STK17A: variants seen among roughly 807,000 people sequenced by gnomAD.
STK17A encodes the protein serine/threonine kinase 17a, also known as serine/threonine-protein kinase 17A.
Under a neutral mutation model 43.7 loss-of-function variants are expected in STK17A, and 26 were observed. The ratio of observed to expected loss-of-function variants is 0.60; its 90% CI spans 0.44 to 0.83. The LOEUF (loss-of-function observed/expected upper bound fraction) is 0.83, where lower values mean the gene tolerates loss of function less well. STK17A is among the 40% of genes least tolerant of loss of function. STK17A has a pLI of 0.00. For synonymous variants in STK17A, 191 were observed against 182.5 expected (o/e 1.05, Z -0.38); for missense variants, 476 against 511.6 (o/e 0.93, Z 0.67).
chr7:43,618,071 A>T (rs2083508059), intron 3 of STK17A, among the ~76,000 whole-genome samples: 1 of 152,222 alleles, frequency 6.6e-6, no homozygotes, highest in East Asian at 1.9e-4. Context: ...GGAGGGGCAG[A>T]ATATGAATGG....
intron 1 of STK17A, among the ~76,000 whole-genome samples, chr7:43,590,113 T>G (rs2082470096): frequency 6.7e-6 from 1 of 150,186 alleles, no homozygotes; most frequent in Non-Finnish European, 1.5e-5. Flanking sequence ...GCCTGTCTAA[T>G]TTTTGTATTT....
chr7:43,614,234 TAA>T (rs2083141581), intron 3 of STK17A, among the ~76,000 whole-genome samples: 1 of 152,204 alleles, frequency 6.6e-6, no homozygotes. Flanking sequence ...CCGAGATAAA[TAA>T]AAGACTTCCC....
intron 3 of STK17A, among the ~76,000 whole-genome samples, chr7:43,617,705 A>C (rs774867866): frequency 1.3e-5 from 2 of 152,204 alleles, no homozygotes; most frequent in African/African-American, 2.4e-5. Flanking sequence ...TGAAAGAGAG[A>C]AAAACATTGT....
intron 1 of STK17A, among the ~76,000 whole-genome samples, chr7:43,588,784 A>G (rs892842292): frequency 2.6e-5 from 4 of 151,402 alleles, no homozygotes; most frequent in African/African-American, 9.7e-5. Flanking sequence ...GTGAGCAGAG[A>G]TAGTGCCACT....
At chr7:43,618,705 A>G (rs2083573625) in intron 3 of STK17A, among the ~76,000 whole-genome samples, 4 of 152,214 alleles carry the variant, frequency 2.6e-5, no homozygotes, top group Admixed American at 2.6e-4. Context: ...AAAGTATCTT[A>G]GGTTATTTTC....
chr7:43,586,905 A>G (rs1468778967), intron 1 of STK17A, among the ~76,000 whole-genome samples: 1 of 151,414 alleles, frequency 6.6e-6, no homozygotes. Flanking sequence ...TTACAGTTTT[A>G]CAAGTGCTTT....
intron 2 of STK17A, among the ~76,000 whole-genome samples, chr7:43,600,138 A>G (rs2082545504): frequency 1.3e-5 from 2 of 152,212 alleles, no homozygotes; most frequent in African/African-American, 4.8e-5. Flanking sequence ...AGTCAAGCCA[A>G]CAACTGAAAT....
At chr7:43,585,084 C>A (rs1006096300) in intron 1 of STK17A, among the ~76,000 whole-genome samples, 1 of 151,972 alleles carries the variant, frequency 6.6e-6, no homozygotes, top group Non-Finnish European at 1.5e-5. Context: ...GTAATCCCAG[C>A]TACTCGTGAG....
At chr7:43,622,173 C>T (rs1247882336) in intron 4 of STK17A, 1 of 152,194 alleles carries the variant, frequency 6.6e-6, no homozygotes, top group Non-Finnish European at 1.5e-5. Context: ...GCTATGTGGT[C>T]TGTTTTACTG....
rs759352972 is a variant in STK17A, at chr7:43,595,948, A to G, written c.254A>G (p.Lys85Arg). 6.2e-7 allele frequency: 1 copy of G among 1,613,946 alleles called. No individual in the cohort carries two copies. The highest frequency in any genetic ancestry group is 1.7e-5 in the Admixed American group (1 of 60,024). ...AAATGTATAAAGAAAGATTCTGGGA[A>G]AGAATTTGCTGCAAAGTTCATGAGA... ...VRKCIKKDSG[K>R]EFAAKFMRKR... is the part of the protein sequence containing the mutation. Residue 85 changes from lysine to arginine, a missense_variant, in exon 2 of 7, where the codon AAA (lysine) becomes AGA (arginine). By Grantham distance (26) the Lys-to-Arg change is conservative (BLOSUM62 2). This residue lies in a region of STK17A where 320 missense variants were observed against 326.3 expected (regional missense o/e 0.98). Coordinates refer to ENST00000319357, the MANE Select transcript of STK17A (RefSeq NM_004760.3).
chr7:43,608,109 C>T, intron 2 of STK17A, 147 bp from the exon 3 acceptor site: 1 of 756,542 alleles, frequency 1.3e-6, no homozygotes, highest in Non-Finnish European at 2.0e-6. Flanking sequence ...TAGTGAGGTC[C>T]CATCTCTATT....
intron 3 of STK17A, among the ~76,000 whole-genome samples, chr7:43,615,230 C>G (rs1331816215): frequency 6.6e-6 from 1 of 152,198 alleles, no homozygotes; most frequent in African/African-American, 2.4e-5. Context: ...GATTGGAGTG[C>G]AGTGGCACTA....
intron 1 of STK17A, among the ~76,000 whole-genome samples, chr7:43,585,324 A>T (rs991904027): frequency 7.0e-6 from 1 of 142,618 alleles, no homozygotes; most frequent in African/African-American, 2.5e-5. Flanking sequence ...GAGATGTTAT[A>T]ATCTGGAAAC....
intron 1 of STK17A, among the ~76,000 whole-genome samples, chr7:43,584,530 A>G (rs1170650905): frequency 6.6e-6 from 1 of 152,248 alleles, no homozygotes; most frequent in South Asian, 2.1e-4. Context: ...AAATAGCACC[A>G]TGTTGTAATG....
At chr7:43,601,909 C>T (rs1583553631) in intron 2 of STK17A, among the ~76,000 whole-genome samples, 1 of 152,070 alleles carries the variant, frequency 6.6e-6, no homozygotes, top group Admixed American at 6.6e-5. Context: ...TTTAACACCC[C>T]CACCCCCTGA....
chr7:43,627,183 TA>T lies in STK17A; in HGVS notation c.*2342del, dbSNP rs1427626381. 7.2e-5 allele frequency among the ~76,000 whole-genome samples: 11 copies of T among 152,246 alleles called. No homozygotes were observed. Among genetic ancestry groups the T allele is most frequent in the Admixed American group, 4.6e-4 (7 of 15,292 alleles). ...CGTTGTTTATGAAATGTATAAAATG[TA>T]TAAGTTTTAATCAACTGGGAAATGA... On this transcript the variant is annotated 3_prime_UTR_variant, in exon 7 of 7. Coordinates refer to ENST00000319357, the MANE Select transcript of STK17A (RefSeq NM_004760.3).
At chr7:43,594,743 A>G (rs1274543716) in intron 1 of STK17A, among the ~76,000 whole-genome samples, 1 of 152,094 alleles carries the variant, frequency 6.6e-6, no homozygotes, top group East Asian at 1.9e-4. Flanking sequence ...AGTAGATGCC[A>G]TTTGTGTCCC....
At chr7:43,583,868 G>A (rs930347807) in intron 1 of STK17A, among the ~76,000 whole-genome samples, 1 of 152,196 alleles carries the variant, frequency 6.6e-6, no homozygotes, top group Non-Finnish European at 1.5e-5. Context: ...TGGTCTGCCT[G>A]TGTGGTTTTA....
chr7:43,623,533 T>C (rs777026180), intron 4 of STK17A, 39 bp from the exon 5 acceptor site: 3 of 1,579,720 alleles, frequency 1.9e-6, no homozygotes, highest in South Asian at 1.1e-5. Flanking sequence ...GGAATTTTTT[T>C]CCACAAAACT....
Sources: gnomAD v4.1 joint callset for allele counts (sites outside exome capture counted in the v4.1 genomes callset) on GRCh38, gnomAD v4.1.1 for gene constraint, gnomAD v4.1.1 regional missense constraint, MANE v1.5 for transcripts, NCBI Gene and HGNC (gene_info 2026-07-23, HGNC 2026-07-21) for gene names.